The following GNPTAB variants were observed in gnomAD, a reference collection of about 807,000 sequenced individuals.
GNPTAB encodes N-acetylglucosamine-1-phosphotransferase subunits alpha/beta.
A neutral mutation model predicts 136.6 loss-of-function variants in GNPTAB; 92 were observed. That is an observed-to-expected ratio of 0.67 (90% CI 0.57 to 0.80). GNPTAB has a LOEUF of 0.80. GNPTAB is among the 30% of genes least tolerant of loss of function. The pLI is 0.00. For synonymous variants in GNPTAB, 512 were observed against 535.1 expected, an observed-to-expected ratio of 0.96 and a Z score of 0.60; for missense variants, 1,343 against 1,501.8, an observed-to-expected ratio of 0.89 and a Z score of 1.75.
intron 10 of GNPTAB, 32 bp downstream of exon 10, chr12:101,769,989 G>T (rs767924511): frequency 1.2e-6 from 2 of 1,603,878 alleles, no homozygotes; most frequent in Non-Finnish European, 1.7e-6. Context: ...TGACTTCCAC[G>T]CTAGACAACC....
intron 2 of GNPTAB, 29 bp from the exon 3 acceptor site, chr12:101,790,086 T>G: frequency 6.2e-7 from 1 of 1,614,020 alleles, no homozygotes; most frequent in Non-Finnish European, 8.5e-7. Flanking sequence ...TCCTCCAGCT[T>G]AAATGCATTT....
At chr12:101,778,802 A>T (rs1953295682) in intron 7 of GNPTAB, 1 of 152,164 alleles carries the variant, frequency 6.6e-6, no homozygotes, top group African/African-American at 2.4e-5. Context: ...AGCTATTTGG[A>T]GGCTGAGGCA....
At chr12:101,752,182 G>A (rs373535740) in intron 19 of GNPTAB, among the ~76,000 whole-genome samples, 12 of 152,294 alleles carry the variant, frequency 7.9e-5, no homozygotes, top group African/African-American at 2.6e-4. Context: ...CCAGTACTTT[G>A]GGAGCCTGAG....
chr12:101,763,446 TATG>T (rs1023372281), intron 13 of GNPTAB, among the ~76,000 whole-genome samples: 112 of 152,136 alleles, frequency 7.4e-4, no homozygotes, highest in African/African-American at 2.6e-3. Context: ...GCCCAGACTG[TATG>T]ATTTTTTTTT....
chr12:101,814,512 C>T (rs1395944557), intron 1 of GNPTAB, among the ~76,000 whole-genome samples: 1 of 152,036 alleles, frequency 6.6e-6, no homozygotes, highest in Admixed American at 6.6e-5. Flanking sequence ...GCCTGGCCAA[C>T]ATGGTGAAAC....
chr12:101,746,477 C>T lies in GNPTAB; in HGVS notation c.*687G>A, dbSNP rs891598633. ...CTAGCCCTTTGAAATTAGACCTGCACGTGAAATCATAGCATTCTTAGGGGC... is the reference window on the plus strand; with the variant it reads ...CTAGCCCTTTGAAATTAGACCTGCATGTGAAATCATAGCATTCTTAGGGGC... On this transcript the variant is annotated 3_prime_UTR_variant, in exon 21 of 21. Transcript: ENST00000299314. The T allele has an allele frequency of 2.0e-5, 3 of 152,224 alleles. No homozygotes were observed. Among genetic ancestry groups the T allele is most frequent in the South Asian group, 2.1e-4 (1 of 4,832 alleles). 9.4% of individuals were successfully genotyped at this position (152,224 alleles called of 1,614,324 possible). A position where few individuals can be genotyped will look rare whatever the true frequency, so the allele number is the denominator to read the frequency against.
chr12:101,825,036 T>C (rs1871015940), intron 1 of GNPTAB, among the ~76,000 whole-genome samples: 1 of 152,196 alleles, frequency 6.6e-6, no homozygotes, highest in Non-Finnish European at 1.5e-5. Flanking sequence ...TCATGCCTCC[T>C]TGAAAAGGTG....
chr12:101,802,030 C>T (rs557801017), intron 1 of GNPTAB, among the ~76,000 whole-genome samples: 23 of 151,312 alleles, frequency 1.5e-4, no homozygotes, highest in Admixed American at 3.3e-4. Context: ...TCAGAACAAC[C>T]AAACAAACAA....
Position 101,757,799 on chromosome 12 carries a change from C to G in GNPTAB, c.3250-142G>C, listed in dbSNP as rs74738994. 308 of 663,246 alleles carry G rather than the reference C, an allele frequency of 4.6e-4. 4 individuals are homozygous for G. The East Asian group carries it at 7.3e-3, about 16-fold the overall frequency. 41.1% of individuals were successfully genotyped at this position (663,246 alleles called of 1,614,324 possible). A position where few individuals can be genotyped will look rare whatever the true frequency, so the allele number is the denominator to read the frequency against. On this transcript the variant is annotated intron_variant, in intron 16 of 20. Coordinates refer to ENST00000299314, the MANE Select transcript of GNPTAB (RefSeq NM_024312.5). ...ACACCAACTGTGACTACATATACAT[C>G]TTTTTCATCTTTAAGAACATACTGG...
chr12:101,786,333 T>C (rs1425562471), intron 4 of GNPTAB, 116 bp from the exon 5 acceptor site: 2 of 820,304 alleles, frequency 2.4e-6, no homozygotes, highest in Non-Finnish European at 4.0e-6. Context: ...AAAATGATAA[T>C]ATTTTAACAA....
chr12:101,747,361 A>G, intron 20 of GNPTAB, 120 bp from the exon 21 acceptor site: 2 of 680,830 alleles, frequency 2.9e-6, no homozygotes, highest in Non-Finnish European at 5.3e-6. Flanking sequence ...TACATTAAAA[A>G]GACAACAAAC....
chr12:101,771,974 G>C (rs1953183021), intron 7 of GNPTAB, among the ~76,000 whole-genome samples: 1 of 152,258 alleles, frequency 6.6e-6, no homozygotes, highest in South Asian at 2.1e-4. Flanking sequence ...CAGCTTTTGT[G>C]CCACGTGCCT....
At chr12:101,776,250 G>A (rs1274976720) in intron 7 of GNPTAB, among the ~76,000 whole-genome samples, 1 of 152,070 alleles carries the variant, frequency 6.6e-6, no homozygotes, top group Admixed American at 6.6e-5. Context: ...AAAAATAAAT[G>A]CAAAAACCCA....
At chr12:101,811,381 TTC>T (rs1481969717) in intron 1 of GNPTAB, among the ~76,000 whole-genome samples, 6 of 88,518 alleles carry the variant, frequency 6.8e-5, no homozygotes, top group African/African-American at 3.7e-4. Flanking sequence ...ACATAATTTT[TTC>T]TTTTTTTTTT....
chr12:101,825,483 TAATC>T (rs1343510855), intron 1 of GNPTAB, among the ~76,000 whole-genome samples: 1 of 152,212 alleles, frequency 6.6e-6, no homozygotes, highest in African/African-American at 2.4e-5. Flanking sequence ...TCAACCCAAT[TAATC>T]AATCCATTCA....
Position 101,768,026 on chromosome 12 carries a change from C to T in GNPTAB, c.1408+11G>A. ...TAAAAATGAACGAATTACAGTTTAA[C>T]ACATCCTTACCAGAGCAATCCCCAC... On this transcript the variant is annotated intron_variant, in intron 11 of 20. Transcript: ENST00000299314. 1 of 1,613,786 alleles carries T rather than the reference C, an allele frequency of 6.2e-7. No homozygotes were observed.
At chr12:101,753,639 TCCCAAG>T in intron 18 of GNPTAB, 100 bp from the exon 19 acceptor site, 3 of 987,624 alleles carry the variant, frequency 3.0e-6, no homozygotes, top group Non-Finnish European at 4.8e-6. Flanking sequence ...TGGACTTATG[TCCCAAG>T]TTGGTATATT....
At chr12:101,812,390 T>C (rs867725777) in intron 1 of GNPTAB, among the ~76,000 whole-genome samples, 2 of 152,320 alleles carry the variant, frequency 1.3e-5, no homozygotes, top group South Asian at 2.1e-4. Context: ...CAATTCAACA[T>C]GAGATTTGGT....
At chr12:101,788,513 A>C in intron 4 of GNPTAB, 35 bp downstream of exon 4, 1 of 1,257,298 alleles carries the variant, frequency 8.0e-7, no homozygotes, top group East Asian at 2.3e-5. Flanking sequence ...TCAATCCTTC[A>C]CTTTTTACTC....
Sources: gnomAD v4.1 joint callset for allele counts (sites outside exome capture counted in the v4.1 genomes callset) on GRCh38, gnomAD v4.1.1 for gene constraint, MANE v1.5 for transcripts, NCBI Gene and HGNC (gene_info 2026-07-23, HGNC 2026-07-21) for gene names.